Variants in GALNT17 observed in about 807,000 individuals in gnomAD.
The protein encoded by GALNT17 is polypeptide N-acetylgalactosaminyltransferase 17.
Under a neutral mutation model 63.7 loss-of-function variants are expected in GALNT17, and 29 were observed. The observed-to-expected ratio is 0.46, with a 90% CI of 0.34 to 0.62. The LOEUF is 0.62. GALNT17 is among the 20% of genes least tolerant of loss of function. The pLI, the probability that GALNT17 is intolerant of heterozygous loss-of-function variation, is 0.01. For missense variants in GALNT17, 603 were observed against 799.6 expected (o/e 0.75, Z 2.97); for synonymous variants, 305 against 318.3 (o/e 0.96, Z 0.45).
At chr7:71,312,920 G>C (rs1791435317) in intron 1 of GALNT17, among the ~76,000 whole-genome samples, 1 of 152,060 alleles carries the variant, frequency 6.6e-6, no homozygotes, top group African/African-American at 2.4e-5. Context: ...GGCCAGCCTG[G>C]GCAGCATAGC....
intron 1 of GALNT17, among the ~76,000 whole-genome samples, chr7:71,288,540 G>T (rs934975836): frequency 3.9e-5 from 6 of 152,152 alleles, no homozygotes; most frequent in Non-Finnish European, 7.3e-5. Context: ...AAGTATGTAT[G>T]TGCTCCTCTG....
At chr7:71,391,622 A>G (rs1316957273) in intron 3 of GALNT17, among the ~76,000 whole-genome samples, 1 of 152,062 alleles carries the variant, frequency 6.6e-6, no homozygotes, top group Non-Finnish European at 1.5e-5. Flanking sequence ...GGCTGGGACC[A>G]CAGGCATGTG....
At chr7:71,582,346 G>A (rs1447683515) in intron 6 of GALNT17, among the ~76,000 whole-genome samples, 1 of 151,440 alleles carries the variant, frequency 6.6e-6, no homozygotes, top group Non-Finnish European at 1.5e-5. Context: ...AGGTCAAGAC[G>A]GGCAGATCAC....
intron 2 of GALNT17, among the ~76,000 whole-genome samples, chr7:71,367,375 C>T (rs945022093): frequency 4.7e-5 from 7 of 148,196 alleles, no homozygotes; most frequent in African/African-American, 1.5e-4. Context: ...TTTACCTTGA[C>T]ATGTGTGCAG....
intron 5 of GALNT17, among the ~76,000 whole-genome samples, chr7:71,496,342 G>A (rs1788093533): frequency 6.6e-6 from 1 of 151,940 alleles, no homozygotes; most frequent in Middle Eastern, 3.2e-3. Context: ...AGACCGGGCT[G>A]TCTTACTCTG....
intron 3 of GALNT17, among the ~76,000 whole-genome samples, chr7:71,400,550 T>G (rs938154501): frequency 2.6e-5 from 4 of 152,238 alleles, no homozygotes; most frequent in Admixed American, 6.5e-5. Context: ...TGATTCATTA[T>G]GCTTAGACTA....
chr7:71,301,450 G>T (rs28799658), intron 1 of GALNT17, among the ~76,000 whole-genome samples: 27,895 of 146,366 alleles, frequency 0.19, 2,764 homozygotes, highest in East Asian at 0.33. Flanking sequence ...TTTAAATATT[G>T]TTTAATTATT....
chr7:71,406,804 C>A (rs979709056), intron 3 of GALNT17, among the ~76,000 whole-genome samples: 5 of 151,364 alleles, frequency 3.3e-5, no homozygotes, highest in African/African-American at 1.2e-4. Flanking sequence ...GCAATCACCG[C>A]TCACTGCAAC....
chr7:71,135,859 G>T (rs148121068), intron 1 of GALNT17, among the ~76,000 whole-genome samples: 1 of 152,134 alleles, frequency 6.6e-6, no homozygotes, highest in Non-Finnish European at 1.5e-5. Flanking sequence ...AACAGTTCCC[G>T]GACTGGTGGA....
chr7:71,295,115 T>C (rs1791054268), intron 1 of GALNT17, among the ~76,000 whole-genome samples: 1 of 152,158 alleles, frequency 6.6e-6, no homozygotes, highest in African/African-American at 2.4e-5. Flanking sequence ...GAGGATACAC[T>C]TTCTATATGG....
At chr7:71,534,471 C>T (rs184285926) in intron 5 of GALNT17, among the ~76,000 whole-genome samples, 100 of 151,854 alleles carry the variant, frequency 6.6e-4, no homozygotes, top group African/African-American at 2.3e-3. Context: ...TGGTGGCGGG[C>T]GCCTGTAGTC....
intron 1 of GALNT17, among the ~76,000 whole-genome samples, chr7:71,317,146 C>G (rs561261396): frequency 9.1e-4 from 138 of 152,242 alleles, no homozygotes; most frequent in African/African-American, 3.0e-3. Flanking sequence ...ATATTTACCC[C>G]CAACGTGCCT....
At chr7:71,238,289 G>C (rs958659791) in intron 1 of GALNT17, among the ~76,000 whole-genome samples, 3 of 152,182 alleles carry the variant, frequency 2.0e-5, no homozygotes, top group Non-Finnish European at 4.4e-5. Flanking sequence ...GTGGGAGGCA[G>C]GGAAGGTGAG....
At chr7:71,440,560 G>C (rs553068211) in intron 5 of GALNT17, among the ~76,000 whole-genome samples, 3 of 151,980 alleles carry the variant, frequency 2.0e-5, no homozygotes, top group Admixed American at 1.3e-4. Flanking sequence ...TTTTAGTAGA[G>C]ATGGGGTTTC....
intron 3 of GALNT17, among the ~76,000 whole-genome samples, chr7:71,401,547 G>T (rs1442971450): frequency 1.3e-5 from 2 of 152,178 alleles, no homozygotes; most frequent in African/African-American, 4.8e-5. Context: ...GAGGTGAGAG[G>T]CGGGTGAGGG....
At chr7:71,428,904 A>G (rs560534638) in intron 5 of GALNT17, among the ~76,000 whole-genome samples, 1 of 152,134 alleles carries the variant, frequency 6.6e-6, no homozygotes, top group Non-Finnish European at 1.5e-5. Flanking sequence ...TGAGTCGCAC[A>G]CCAGTGAGCA....
At chr7:71,173,608 A>ACTAAAAATACAAAAATTAG (rs1445727834) in intron 1 of GALNT17, among the ~76,000 whole-genome samples, 1 of 152,104 alleles carries the variant, frequency 6.6e-6, no homozygotes, top group African/African-American at 2.4e-5. Flanking sequence ...ACCCATCTCT[A>ACTAAAAATACAAAAATTAG]CTAAAAATAC....
At chr7:71,423,944 A>G (rs1054054311) in intron 5 of GALNT17, among the ~76,000 whole-genome samples, 1 of 152,148 alleles carries the variant, frequency 6.6e-6, no homozygotes, top group African/African-American at 2.4e-5. Context: ...AAAAAGAGTA[A>G]GCTTTTGAAA....
chr7:71,567,348 G>T (rs545651238), intron 5 of GALNT17, among the ~76,000 whole-genome samples: 1 of 152,324 alleles, frequency 6.6e-6, no homozygotes, highest in Admixed American at 6.5e-5. Flanking sequence ...ACACAGAAGG[G>T]CACCTCCCAG....
Sources: gnomAD v4.1 joint callset for allele counts (sites outside exome capture counted in the v4.1 genomes callset) on GRCh38, gnomAD v4.1.1 for gene constraint, MANE v1.5 for transcripts, NCBI Gene and HGNC (gene_info 2026-07-23, HGNC 2026-07-21) for gene names.